The following GPC5 variants were observed in gnomAD, a reference collection of about 807,000 sequenced individuals.
The protein encoded by GPC5 is glypican 5.
In GPC5, 47 loss-of-function variants were observed where a neutral mutation model predicts 53.9. The ratio of observed to expected loss-of-function variants is 0.87; its 90% confidence interval spans 0.69 to 1.11. The LOEUF (loss-of-function observed/expected upper bound fraction) is 1.11, where lower values mean the gene tolerates loss of function less well. Ranked by LOEUF, GPC5 falls within the 50% of genes most tolerant of loss-of-function variation. The pLI is 0.00. For synonymous variants in GPC5, 286 were observed against 263.3 expected (o/e 1.09, Z -0.84); for missense variants, 748 against 713.1 (o/e 1.05, Z -0.56).
At chr13:92,742,643 C>T (rs1169071925) in intron 7 of GPC5, among the ~76,000 whole-genome samples, 29 of 152,028 alleles carry the variant, frequency 1.9e-4, no homozygotes, top group South Asian at 8.3e-4. Context: ...GTTTTAGACA[C>T]GAAGTCCTTG....
intron 7 of GPC5, among the ~76,000 whole-genome samples, chr13:92,404,671 AG>A (rs1875716624): frequency 7.6e-6 from 1 of 132,124 alleles, no homozygotes; most frequent in Non-Finnish European, 1.7e-5. Context: ...AAGGAAACTG[AG>A]GCCTATACTG....
In GPC5 at chr13:92,420,005, T is replaced by G. The variant is rs544403989; in HGVS notation, c.1561+275016T>G. ...TATTCTTTTTGACCTCTCCACCTAG[T>G]TCTTTTCAATCAGGGCAGGATCTGT... On this transcript the variant is annotated intron_variant, in intron 7 of 7. Coordinates refer to ENST00000377067, the MANE Select transcript of GPC5 (RefSeq NM_004466.6). Among the ~76,000 whole-genome samples, 8 of 152,274 alleles carry G rather than the reference T, an allele frequency of 5.3e-5. No individual in the cohort carries two copies. The South Asian group carries it at 6.2e-4, about 12-fold the overall frequency.
chr13:92,154,015 T>G (rs1031291226), intron 7 of GPC5, among the ~76,000 whole-genome samples: 1 of 152,192 alleles, frequency 6.6e-6, no homozygotes, highest in African/African-American at 2.4e-5. Flanking sequence ...GAGGTTCATT[T>G]TGGCTCAAGT....
At chr13:91,972,884 C>A (rs1331023137) in intron 6 of GPC5, among the ~76,000 whole-genome samples, 2 of 152,210 alleles carry the variant, frequency 1.3e-5, no homozygotes, top group Non-Finnish European at 2.9e-5. Flanking sequence ...ACCTTTCTCT[C>A]TGGCTGCCCT....
At chr13:91,748,853 T>A (rs1283559901) in intron 4 of GPC5, among the ~76,000 whole-genome samples, 1 of 152,030 alleles carries the variant, frequency 6.6e-6, no homozygotes, top group Non-Finnish European at 1.5e-5. Flanking sequence ...TGGAGGAAAC[T>A]GGATGTTCTA....
intron 7 of GPC5, among the ~76,000 whole-genome samples, chr13:92,657,596 T>TTC (rs1404062829): frequency 1.0e-4 from 15 of 149,352 alleles, no homozygotes; most frequent in Non-Finnish European, 2.1e-4. Context: ...TTTTTTTTTT[T>TTC]TTTTTTTTGA....
chr13:92,629,448 G>A (rs768566294), intron 7 of GPC5, among the ~76,000 whole-genome samples: 33 of 152,142 alleles, frequency 2.2e-4, no homozygotes, highest in African/African-American at 6.3e-4. Context: ...AGCTGTTGCC[G>A]CGGTTCCTTA....
At chr13:91,551,146 A>G (rs1267830778) in intron 2 of GPC5, among the ~76,000 whole-genome samples, 1 of 132,174 alleles carries the variant, frequency 7.6e-6, no homozygotes, top group Non-Finnish European at 1.6e-5. Flanking sequence ...TGCTTGGTAC[A>G]TGATATGTCA....
chr13:92,804,106 T>C (rs1004094193), intron 7 of GPC5, among the ~76,000 whole-genome samples: 2 of 152,004 alleles, frequency 1.3e-5, no homozygotes, highest in African/African-American at 2.4e-5. Context: ...GCTAGTAGTA[T>C]GTAGATTACT....
chr13:91,934,544 G>A (rs767360453), intron 6 of GPC5, among the ~76,000 whole-genome samples: 16 of 151,908 alleles, frequency 1.1e-4, no homozygotes, highest in Non-Finnish European at 1.8e-4. Context: ...AAAACTGGAT[G>A]TCTTCCAAGA....
At chr13:91,743,729 T>C (rs2036987077) in intron 4 of GPC5, among the ~76,000 whole-genome samples, 1 of 152,148 alleles carries the variant, frequency 6.6e-6, no homozygotes, top group African/African-American at 2.4e-5. Flanking sequence ...CCTTTCCCTT[T>C]TTCATCTTCA....
chr13:92,641,086 G>C (rs1885581062), intron 7 of GPC5, among the ~76,000 whole-genome samples: 1 of 152,160 alleles, frequency 6.6e-6, no homozygotes, highest in Non-Finnish European at 1.5e-5. Context: ...AGAGCTGGGT[G>C]AGAAGCAGGC....
Position 92,006,412 on chromosome 13 carries a change from A to G in GPC5, c.1401+98355A>G, listed in dbSNP as rs1433714717. 5.3e-5 allele frequency among the ~76,000 whole-genome samples: 8 copies of G among 152,278 alleles called. No individual in the cohort carries two copies. In the South Asian group the frequency reaches 1.0e-3, roughly 20 times the overall value. On this transcript the variant is annotated intron_variant, in intron 6 of 7. Coordinates refer to ENST00000377067, the MANE Select transcript of GPC5 (RefSeq NM_004466.6). ...AAAAGTTGTACTTCTGTGACAAGCA[A>G]TTAGCACTCTCTAAGGCTAAGAAAT...
chr13:91,880,121 T>A (rs1418055643), intron 5 of GPC5, among the ~76,000 whole-genome samples: 1 of 152,074 alleles, frequency 6.6e-6, no homozygotes, highest in Non-Finnish European at 1.5e-5. Context: ...AAATTTTTTT[T>A]AAATAAGGTT....
intron 7 of GPC5, among the ~76,000 whole-genome samples, chr13:92,853,617 A>G (rs2138847372): frequency 6.6e-6 from 1 of 152,288 alleles, no homozygotes; most frequent in South Asian, 2.1e-4. Flanking sequence ...CTTAAAACCT[A>G]TGAAATTATC....
intron 7 of GPC5, among the ~76,000 whole-genome samples, chr13:92,660,284 T>C: frequency 6.6e-6 from 1 of 152,186 alleles, no homozygotes; most frequent in East Asian, 1.9e-4. Flanking sequence ...ACAATTCATG[T>C]ACCTAATGCT....
intron 5 of GPC5, among the ~76,000 whole-genome samples, chr13:91,831,960 A>G (rs1327220085): frequency 6.6e-6 from 1 of 151,982 alleles, no homozygotes. Context: ...AGAGTTCTGT[A>G]GATGCCTATT....
At chr13:91,572,216 TATATATACAC>T (rs1216013504) in intron 2 of GPC5, among the ~76,000 whole-genome samples, 32 of 49,442 alleles carry the variant, frequency 6.5e-4, no homozygotes, top group African/African-American at 3.3e-3. Context: ...TATACGTGTA[TATATATACAC>T]ATATGTATAT....
chr13:91,441,273 T>G (rs1161686869), intron 1 of GPC5, among the ~76,000 whole-genome samples: 2 of 152,330 alleles, frequency 1.3e-5, no homozygotes, highest in East Asian at 3.9e-4. Context: ...AAGGTTTATT[T>G]TCACTTCAGG....
Sources: gnomAD v4.1 joint callset for allele counts (sites outside exome capture counted in the v4.1 genomes callset) on GRCh38, gnomAD v4.1.1 for gene constraint, MANE v1.5 for transcripts, NCBI Gene and HGNC (gene_info 2026-07-23, HGNC 2026-07-21) for gene names.